The following MSRA variants were observed in gnomAD, a reference collection of about 807,000 sequenced individuals.
The protein encoded by MSRA is methionine sulfoxide reductase A, also known as mitochondrial peptide methionine sulfoxide reductase.
Under a neutral mutation model 31.3 loss-of-function variants are expected in MSRA, and 54 were observed. That is an observed-to-expected ratio of 1.73 (90% CI 1.39 to 2.17). The LOEUF is 2.17. MSRA is among the 30% of genes most tolerant of loss of function. The pLI, the probability that MSRA is intolerant of heterozygous loss-of-function variation, is 0.00. For missense variants in MSRA, 507 were observed against 300.9 expected (o/e 1.69, Z -5.07); for synonymous variants, 169 against 116.5 (o/e 1.45, Z -2.90).
intron 1 of MSRA, among the ~76,000 whole-genome samples, chr8:10,155,361 A>G (rs898321916): frequency 2.0e-5 from 3 of 152,222 alleles, no homozygotes; most frequent in Admixed American, 6.5e-5. Context: ...AAGTATCAGT[A>G]TGAAGTCATG....
At chr8:10,171,054 A>T (rs1026943916) in intron 1 of MSRA, among the ~76,000 whole-genome samples, 1 of 152,202 alleles carries the variant, frequency 6.6e-6, no homozygotes, top group African/African-American at 2.4e-5. Context: ...TGCCAGCTGT[A>T]GGTCTTTTGA....
At chr8:10,109,762 A>T (rs1800147602) in intron 1 of MSRA, among the ~76,000 whole-genome samples, 1 of 152,236 alleles carries the variant, frequency 6.6e-6, no homozygotes, top group Non-Finnish European at 1.5e-5. Context: ...CATTTTAATG[A>T]GGAGATGAAG....
chr8:10,357,424 T>C (rs896179497), intron 5 of MSRA, among the ~76,000 whole-genome samples: 13 of 152,250 alleles, frequency 8.5e-5, no homozygotes, highest in African/African-American at 2.9e-4. Flanking sequence ...ATTAGGTCGT[T>C]TTCAATAATA....
intron 1 of MSRA, among the ~76,000 whole-genome samples, chr8:10,088,841 C>G (rs138958955): frequency 1.3e-5 from 2 of 152,082 alleles, no homozygotes; most frequent in African/African-American, 4.8e-5. Flanking sequence ...ACAGCACGGA[C>G]GGATCTAAAG....
intron 3 of MSRA, among the ~76,000 whole-genome samples, chr8:10,257,888 G>T (rs1307700184): frequency 6.6e-6 from 1 of 152,210 alleles, no homozygotes. Flanking sequence ...CAGCGCAGCA[G>T]AGAGGTGAAC....
At chr8:10,096,642 AGAAAGTTTACC>A (rs1365720016) in intron 1 of MSRA, among the ~76,000 whole-genome samples, 4 of 152,222 alleles carry the variant, frequency 2.6e-5, no homozygotes, top group African/African-American at 4.8e-5. Flanking sequence ...AGGAAAATTT[AGAAAGTTTACC>A]GATTTTCTTT....
At chr8:10,348,018 A>G (rs1317417231) in intron 5 of MSRA, among the ~76,000 whole-genome samples, 13 of 152,230 alleles carry the variant, frequency 8.5e-5, no homozygotes, top group Admixed American at 8.5e-4. Flanking sequence ...GGCACATGGT[A>G]AATATCTGTT....
At chr8:10,238,101 C>T (rs1456761958) in intron 2 of MSRA, among the ~76,000 whole-genome samples, 1 of 152,328 alleles carries the variant, frequency 6.6e-6, no homozygotes, top group Non-Finnish European at 1.5e-5. Context: ...CCTGCTACTT[C>T]CTCCTTGTTT....
chr8:10,353,390 C>T lies in MSRA; in HGVS notation c.543+33401C>T, dbSNP rs142649055. ...GGTACTGAAGACCACCAGGGCCGTCCGTGGCGTGTACGGAGGAGGGACCTG... is the reference window on the plus strand; with the variant it reads ...GGTACTGAAGACCACCAGGGCCGTCTGTGGCGTGTACGGAGGAGGGACCTG... On this transcript the variant is annotated intron_variant, in intron 5 of 5. Coordinates refer to ENST00000317173, the MANE Select transcript of MSRA (RefSeq NM_012331.5). Among the ~76,000 whole-genome samples the T allele has an allele frequency of 8.7e-3, 1,319 of 152,292 alleles. 15 individuals are homozygous for T. The highest frequency in any genetic ancestry group is 0.03 in the African/African-American group (1,256 of 41,550).
chr8:10,197,084 A>T (rs1379352381), intron 1 of MSRA, among the ~76,000 whole-genome samples: 1 of 152,226 alleles, frequency 6.6e-6, no homozygotes, highest in African/African-American at 2.4e-5. Flanking sequence ...CACAGGCATC[A>T]GGCTGAAATA....
chr8:10,074,913 C>T (rs1161334531), intron 1 of MSRA, among the ~76,000 whole-genome samples: 1 of 152,110 alleles, frequency 6.6e-6, no homozygotes, highest in Non-Finnish European at 1.5e-5. Flanking sequence ...CCTGTCTCGG[C>T]CTCCCGAAGT....
intron 1 of MSRA, among the ~76,000 whole-genome samples, chr8:10,148,535 C>T (rs571077778): frequency 4.0e-5 from 6 of 151,698 alleles, no homozygotes; most frequent in South Asian, 4.2e-4. Flanking sequence ...CAATTCCAGC[C>T]GCTTGGGAGT....
chr8:10,358,570 T>A (rs1804650852), intron 5 of MSRA, among the ~76,000 whole-genome samples: 1 of 13,062 alleles, frequency 7.7e-5, no homozygotes, highest in African/African-American at 2.7e-4. Context: ...AGATTCTTTT[T>A]TTTTTTTTTT....
chr8:10,198,423 T>TATTGTAATAATGATGTAAG (rs1808186975), intron 1 of MSRA, among the ~76,000 whole-genome samples: 4 of 152,202 alleles, frequency 2.6e-5, no homozygotes, highest in Non-Finnish European at 5.9e-5. Context: ...AAAGTTACCA[T>TATTGTAATAATGATGTAAG]ATAATACTGT....
At chr8:10,406,126 T>C (rs1049206380) in intron 5 of MSRA, among the ~76,000 whole-genome samples, 2 of 152,226 alleles carry the variant, frequency 1.3e-5, no homozygotes, top group African/African-American at 2.4e-5. Flanking sequence ...AGCGTGACTC[T>C]CCCTGTATCC....
At chr8:10,109,853 C>T (rs778571294) in intron 1 of MSRA, among the ~76,000 whole-genome samples, 15 of 152,280 alleles carry the variant, frequency 9.9e-5, no homozygotes, top group Middle Eastern at 3.4e-3. Context: ...AGTGATACCA[C>T]GCAGTGGTCC....
chr8:10,078,511 C>G (rs2128921924), intron 1 of MSRA, among the ~76,000 whole-genome samples: 1 of 152,356 alleles, frequency 6.6e-6, no homozygotes, highest in African/African-American at 2.4e-5. Flanking sequence ...TGGGGTGGGT[C>G]ATCTGACCCT....
At chr8:10,226,158 G>C (rs555748798) in intron 2 of MSRA, among the ~76,000 whole-genome samples, 2 of 152,306 alleles carry the variant, frequency 1.3e-5, no homozygotes, top group African/African-American at 4.8e-5. Context: ...TGACTGTTCA[G>C]GTGACTATAG....
chr8:10,287,866 C>G (rs34614125), intron 3 of MSRA, among the ~76,000 whole-genome samples: 6 of 152,146 alleles, frequency 3.9e-5, no homozygotes, highest in African/African-American at 1.4e-4. Flanking sequence ...TGTCACTGAA[C>G]TCTGAGACTA....
Sources: gnomAD v4.1 joint callset for allele counts (sites outside exome capture counted in the v4.1 genomes callset) on GRCh38, gnomAD v4.1.1 for gene constraint, MANE v1.5 for transcripts, NCBI Gene and HGNC (gene_info 2026-07-23, HGNC 2026-07-21) for gene names.